The following PKHD1 variants were observed in gnomAD, a reference collection of about 807,000 sequenced individuals.
The protein encoded by PKHD1 is fibrocystin.
Under a neutral mutation model 412.0 loss-of-function variants are expected in PKHD1, and 291 were observed. The observed-to-expected ratio is 0.71, with a 90% CI of 0.64 to 0.78. The LOEUF (loss-of-function observed/expected upper bound fraction) is 0.78, where lower values mean the gene tolerates loss of function less well. PKHD1 is among the 30% of genes least tolerant of loss of function. The pLI, the probability that PKHD1 is intolerant of heterozygous loss-of-function variation, is 0.00. For missense variants in PKHD1, 4,825 were observed against 4,950.7 expected (o/e 0.97, Z 0.76); for synonymous variants, 1,777 against 1,821.5 (o/e 0.98, Z 0.62).
At chr6:51,827,487 T>C (rs184972310) in intron 52 of PKHD1, among the ~76,000 whole-genome samples, 1 of 152,290 alleles carries the variant, frequency 6.6e-6, no homozygotes, top group African/African-American at 2.4e-5. Context: ...AAGCCAAATG[T>C]GAACCCCAGG....
intron 55 of PKHD1, among the ~76,000 whole-genome samples, chr6:51,760,505 G>T (rs1438250041): frequency 6.6e-6 from 1 of 152,024 alleles, no homozygotes; most frequent in Non-Finnish European, 1.5e-5. Flanking sequence ...AAAGTCCTGT[G>T]TCTGATGTAA....
At chr6:51,819,109 T>C (rs1473618182) in intron 52 of PKHD1, among the ~76,000 whole-genome samples, 2 of 152,182 alleles carry the variant, frequency 1.3e-5, no homozygotes, top group Non-Finnish European at 2.9e-5. Flanking sequence ...AGTGTTAAAT[T>C]AGGTGTGAGA....
At position 52,035,627 on chromosome 6, in the gene PKHD1, G is replaced by T. The variant is rs1240655080; in HGVS notation, c.3192C>A (p.Ser1064Arg). Residue 1064 changes from serine (S) to arginine (R), a missense_variant, in exon 28 of 67, where the codon AGC (serine) becomes AGA (arginine). Physicochemically the swap from Ser to Arg is moderately radical, Grantham distance 110 (BLOSUM62 -1). Coordinates refer to ENST00000371117, the MANE Select transcript of PKHD1 (RefSeq NM_138694.4). The part of the protein sequence containing the change: ...SYSCAINVAT[S>R]NSSRIQCKVP... ...CTTTGCACTGAATTCTGCTTGAATT[G>T]CTTGTAGCGACATTGATGGCACACG... The T allele has an allele frequency of 6.2e-7, 1 of 1,613,936 alleles. No homozygotes were observed. Among genetic ancestry groups the T allele is most frequent in the Non-Finnish European group, 8.5e-7 (1 of 1,179,864 alleles).
rs201480892 is a variant in PKHD1, at chr6:51,748,120, C to G, written c.9496G>C (p.Glu3166Gln). Residue 3166 changes from glutamate (E) to glutamine (Q), a missense_variant, in exon 58 of 67, where the codon GAG (glutamate) becomes CAG (glutamine). Coordinates refer to ENST00000371117, the MANE Select transcript of PKHD1 (RefSeq NM_138694.4). ...TCTACCAGAGTAATGTTCTCTATCT[C>G]CACGCTGTTCTCTACATGTAACATG... ...GAMLHVENSV[E>Q]IENITLVDNT... 1.5e-4 allele frequency: 243 copies of G among 1,613,816 alleles called. No homozygotes were observed. The highest frequency in any genetic ancestry group is 3.0e-5 in the Non-Finnish European group (35 of 1,179,854).
At chr6:51,621,580 AAGCAT>A (rs1766622645) in intron 66 of PKHD1, among the ~76,000 whole-genome samples, 1 of 152,152 alleles carries the variant, frequency 6.6e-6, no homozygotes, top group South Asian at 2.1e-4. Context: ...AGACTAACAC[AAGCAT>A]AGCTTTCCTT....
chr6:52,070,555 A>C, intron 9 of PKHD1, 110 bp from the exon 10 acceptor site: 1 of 784,046 alleles, frequency 1.3e-6, no homozygotes, highest in African/African-American at 1.7e-5. Context: ...TACCACCCAA[A>C]CCTGTAATTT....
At chr6:51,655,611 T>C (rs2150395094) in intron 61 of PKHD1, among the ~76,000 whole-genome samples, 1 of 152,252 alleles carries the variant, frequency 6.6e-6, no homozygotes, top group Non-Finnish European at 1.5e-5. Context: ...TATTGCTGTA[T>C]AACAAATTAC....
At chr6:51,791,813 CTT>C (rs1793801470) in intron 52 of PKHD1, among the ~76,000 whole-genome samples, 2 of 152,186 alleles carry the variant, frequency 1.3e-5, no homozygotes, top group Admixed American at 1.3e-4. Flanking sequence ...AGGCAAATAA[CTT>C]TATCTCTCTG....
chr6:52,011,420 G>A (rs980095745), intron 34 of PKHD1, among the ~76,000 whole-genome samples: 6 of 152,208 alleles, frequency 3.9e-5, no homozygotes, highest in African/African-American at 1.4e-4. Flanking sequence ...TGTAAAAAGT[G>A]TAACCCAAAG....
chr6:51,626,860 T>C (rs1190178181), intron 66 of PKHD1, 137 bp downstream of exon 66: 1 of 850,100 alleles, frequency 1.2e-6, no homozygotes, highest in African/African-American at 1.7e-5. Context: ...GGGTATAATT[T>C]CTTTGAAGGA....
At chr6:51,670,540 C>G (rs1436214071) in intron 60 of PKHD1, among the ~76,000 whole-genome samples, 2 of 151,510 alleles carry the variant, frequency 1.3e-5, no homozygotes, top group East Asian at 3.9e-4. Flanking sequence ...GCATTTAGTC[C>G]ATTTACATTT....
At chr6:51,741,867 T>G (rs1784596406) in intron 60 of PKHD1, among the ~76,000 whole-genome samples, 1 of 152,160 alleles carries the variant, frequency 6.6e-6, no homozygotes, top group South Asian at 2.1e-4. Context: ...TAAAATATAA[T>G]TTTCATCAAA....
In PKHD1 at chr6:51,753,232, G is replaced by T; in HGVS notation, c.8919C>A (p.Ser2973=). Residue 2973 remains serine (S), a synonymous_variant, in exon 57 of 67, where the codon TCC becomes TCA. Transcript: ENST00000371117. ...ATTCTTCTCGGCTGGACTTCCTGAA[G>T]GACCCCACAAACAGTCTCCCCCTAC... ...VSCRGRLFVG[S]FRKSSREEFS... is the part of the protein sequence containing the mutation. 2 of 1,613,708 alleles carry T rather than the reference G, an allele frequency of 1.2e-6. No individual in the cohort carries two copies. The highest frequency in any genetic ancestry group is 1.7e-6 in the Non-Finnish European group (2 of 1,179,760).
chr6:52,024,525 C>G, intron 32 of PKHD1, 49 bp downstream of exon 32: 1 of 1,540,664 alleles, frequency 6.5e-7, no homozygotes, highest in Non-Finnish European at 9.0e-7. Context: ...AAAGGAGCTA[C>G]CAATTCATTT....
intron 43 of PKHD1, among the ~76,000 whole-genome samples, chr6:51,898,968 A>G (rs1780684051): frequency 6.6e-6 from 1 of 152,256 alleles, no homozygotes; most frequent in Non-Finnish European, 1.5e-5. Context: ...TAAACCAGGA[A>G]GAAGTTGAAT....
At chr6:51,640,083 T>C (rs1198131166) in intron 63 of PKHD1, among the ~76,000 whole-genome samples, 1 of 152,166 alleles carries the variant, frequency 6.6e-6, no homozygotes, top group East Asian at 1.9e-4. Context: ...TAAATGCAGT[T>C]TATACTCTTT....
chr6:51,753,130 T>G, intron 57 of PKHD1, 71 bp downstream of exon 57: 1 of 1,320,724 alleles, frequency 7.6e-7, no homozygotes, highest in East Asian at 2.3e-5. Flanking sequence ...ATTCTCACAG[T>G]TGGGATTTCT....
intron 60 of PKHD1, among the ~76,000 whole-genome samples, chr6:51,665,823 A>G (rs1043611589): frequency 5.3e-5 from 8 of 152,314 alleles, no homozygotes; most frequent in Admixed American, 5.2e-4. Flanking sequence ...AAGCTCTCTG[A>G]GAGGCTAAGG....
rs140710789 is a variant in PKHD1 at position 52,054,141 on chromosome 6, T to C, written c.1861A>G (p.Met621Val). The C allele has an allele frequency of 1.9e-6, 3 of 1,613,944 alleles. No individual in the cohort carries two copies. The African/African-American group carries it at 4.0e-5, about 22-fold the overall frequency. ...ACAATCATCTTCAGGATCTTGTTCA[T>C]GTGGCCTTTGTATGCAAGACACAGC... ...THLCLAYKGH[M>V]NKILKMIVSF... Residue 621 changes from methionine to valine, a missense_variant, in exon 20 of 67, where the codon ATG (methionine) becomes GTG (valine). By Grantham distance (21) the Met-to-Val change is conservative. Transcript: ENST00000371117.
Sources: gnomAD v4.1 joint callset for allele counts (sites outside exome capture counted in the v4.1 genomes callset) on GRCh38, gnomAD v4.1.1 for gene constraint, MANE v1.5 for transcripts, NCBI Gene and HGNC (gene_info 2026-07-23, HGNC 2026-07-21) for gene names.